The following MDGA2 variants were observed in gnomAD, a reference collection of about 807,000 sequenced individuals.
MDGA2 encodes MAM domain-containing glycosylphosphatidylinositol anchor protein 2.
In MDGA2, 40 loss-of-function variants were observed where a neutral mutation model predicts 117.8. The ratio of observed to expected loss-of-function variants is 0.34; its 90% CI spans 0.26 to 0.44. MDGA2 has a LOEUF of 0.44. MDGA2 is among the 20% of genes least tolerant of loss of function. The pLI, the probability that MDGA2 is intolerant of heterozygous loss-of-function variation, is 1.00. For synonymous variants in MDGA2, 452 were observed against 439.0 expected, an observed-to-expected ratio of 1.03 and a Z score of -0.37; for missense variants, 1,123 against 1,250.6, an observed-to-expected ratio of 0.90 and a Z score of 1.54.
chr14:47,480,863 A>C (rs890052897), intron 1 of MDGA2, among the ~76,000 whole-genome samples: 1 of 151,966 alleles, frequency 6.6e-6, no homozygotes. Context: ...AAATTATAGA[A>C]TGATTATATG....
intron 4 of MDGA2, among the ~76,000 whole-genome samples, chr14:47,137,900 G>A (rs1190145076): frequency 6.6e-6 from 1 of 152,100 alleles, no homozygotes; most frequent in Non-Finnish European, 1.5e-5. Flanking sequence ...AGAGGGCCCA[G>A]GTAACATGGT....
At chr14:47,027,017 G>A (rs933391590) in intron 8 of MDGA2, among the ~76,000 whole-genome samples, 1 of 151,680 alleles carries the variant, frequency 6.6e-6, no homozygotes, top group African/African-American at 2.4e-5. Flanking sequence ...TAAAAAAAAT[G>A]TAAAAATTAG....
At chr14:46,901,453 C>A (rs1486830741) in intron 10 of MDGA2, among the ~76,000 whole-genome samples, 1 of 152,096 alleles carries the variant, frequency 6.6e-6, no homozygotes, top group Non-Finnish European at 1.5e-5. Flanking sequence ...AGCATCTGTG[C>A]ATACAAAAGT....
chr14:47,642,665 CTATT>C (rs771114404), intron 1 of MDGA2, among the ~76,000 whole-genome samples: 43 of 150,552 alleles, frequency 2.9e-4, no homozygotes, highest in South Asian at 8.4e-4. Context: ...ATCTATCTAT[CTATT>C]TATCATCTAT....
chr14:47,144,478 G>T (rs10145691), intron 3 of MDGA2, among the ~76,000 whole-genome samples: 61,545 of 151,794 alleles, frequency 0.41, 13,913 homozygotes, highest in African/African-American at 0.62. Context: ...CTCTATTTGT[G>T]GATATAGTAA....
intron 2 of MDGA2, among the ~76,000 whole-genome samples, chr14:47,221,705 A>T (rs1886309020): frequency 7.0e-6 from 1 of 142,056 alleles, no homozygotes; most frequent in Non-Finnish European, 1.5e-5. Context: ...AAAAAAAAAG[A>T]GATTACGGGA....
chr14:47,294,559 A>C (rs574867950), intron 2 of MDGA2, among the ~76,000 whole-genome samples: 1 of 152,152 alleles, frequency 6.6e-6, no homozygotes, highest in African/African-American at 2.4e-5. Flanking sequence ...CACAGACGAA[A>C]AAAAGCAAAT....
chr14:47,072,447 T>G lies in MDGA2; in HGVS notation c.1196-10869A>C, dbSNP rs546298932. The stretch of plus-strand genomic sequence containing the variant: ...CTAAGAGAAACAATGACTATTATGT[T>G]GGAGGAGTTGATCTAAATTCATTCT... On this transcript the variant is annotated intron_variant, in intron 6 of 16. Coordinates refer to ENST00000399232, the MANE Select transcript of MDGA2 (RefSeq NM_001113498.3). 1.2e-4 allele frequency among the ~76,000 whole-genome samples: 19 copies of G among 152,350 alleles called. No individual in the cohort carries two copies. The South Asian group carries it at 2.5e-3, about 20-fold the overall frequency.
At chr14:47,515,681 C>G (rs1267206546) in intron 1 of MDGA2, among the ~76,000 whole-genome samples, 1 of 151,992 alleles carries the variant, frequency 6.6e-6, no homozygotes, top group African/African-American at 2.4e-5. Flanking sequence ...GTGGGCAAGT[C>G]TAGAAACATA....
chr14:47,072,095 G>A (rs1358344264), intron 6 of MDGA2, among the ~76,000 whole-genome samples: 1 of 71,386 alleles, frequency 1.4e-5, no homozygotes, highest in African/African-American at 5.5e-5. Flanking sequence ...GTTGGTTGTT[G>A]TTGTTTGGGG....
intron 5 of MDGA2, among the ~76,000 whole-genome samples, chr14:47,125,180 T>G (rs1368036358): frequency 6.6e-6 from 1 of 152,142 alleles, no homozygotes; most frequent in Non-Finnish European, 1.5e-5. Context: ...AGTACTAAGG[T>G]GCAAGTTACG....
chr14:46,904,917 G>A (rs1883431033), intron 10 of MDGA2, among the ~76,000 whole-genome samples: 1 of 152,154 alleles, frequency 6.6e-6, no homozygotes, highest in South Asian at 2.1e-4. Context: ...TCCAGTTTCT[G>A]AAGTTGTATT....
At chr14:46,958,467 C>G (rs1885651672) in intron 8 of MDGA2, among the ~76,000 whole-genome samples, 1 of 151,982 alleles carries the variant, frequency 6.6e-6, no homozygotes, top group Admixed American at 6.6e-5. Flanking sequence ...TTTATATGAT[C>G]AAATAATTTT....
intron 2 of MDGA2, among the ~76,000 whole-genome samples, chr14:47,250,334 T>A (rs1302818113): frequency 6.6e-6 from 1 of 152,230 alleles, no homozygotes; most frequent in African/African-American, 2.4e-5. Flanking sequence ...AATTCTGGAT[T>A]ATGCTGTATT....
At chr14:47,475,359 C>A (rs1893815356) in intron 1 of MDGA2, among the ~76,000 whole-genome samples, 1 of 152,242 alleles carries the variant, frequency 6.6e-6, no homozygotes, top group African/African-American at 2.4e-5. Context: ...AAAAGGAACA[C>A]TTTTAACACT....
At chr14:47,529,575 G>A (rs1895050251) in intron 1 of MDGA2, among the ~76,000 whole-genome samples, 1 of 152,038 alleles carries the variant, frequency 6.6e-6, no homozygotes, top group South Asian at 2.1e-4. Flanking sequence ...TCTTGTAAAG[G>A]TAAAATTAAA....
chr14:47,360,229 T>C (rs1891087146), intron 1 of MDGA2, among the ~76,000 whole-genome samples: 1 of 151,932 alleles, frequency 6.6e-6, no homozygotes, highest in African/African-American at 2.4e-5. Context: ...TGCATGCCTG[T>C]AGTCCCAGCT....
At chr14:47,256,232 G>C (rs1887614916) in intron 2 of MDGA2, among the ~76,000 whole-genome samples, 1 of 151,712 alleles carries the variant, frequency 6.6e-6, no homozygotes, top group South Asian at 2.1e-4. Flanking sequence ...AGTATGTGTG[G>C]GAGACTACTG....
rs944275794 is a variant in MDGA2, at chr14:47,216,884, G to A, written c.595+1137C>T. Among the ~76,000 whole-genome samples the A allele has an allele frequency of 2.6e-5, 4 of 151,992 alleles. No homozygotes were observed. In the East Asian group the frequency reaches 5.8e-4, roughly 22 times the overall value. On this transcript the variant is annotated intron_variant, in intron 3 of 16. Coordinates refer to ENST00000399232, the MANE Select transcript of MDGA2 (RefSeq NM_001113498.3). ...TAATAATAAGGAAAGGGTGGTACAGGGGATGAATGTTTCTGAATTATGCTA... is the reference window on the plus strand; with the variant it reads ...TAATAATAAGGAAAGGGTGGTACAGAGGATGAATGTTTCTGAATTATGCTA...
Sources: allele counts gnomAD v4.1 joint callset (sites outside exome capture counted in the v4.1 genomes callset), GRCh38; gene constraint gnomAD v4.1.1; transcripts MANE v1.5; gene names NCBI Gene and HGNC (gene_info 2026-07-23, HGNC 2026-07-21).